Variants in MOXD1 observed in about 807,000 individuals in gnomAD.
MOXD1 encodes DBH-like monooxygenase protein 1.
Under a neutral mutation model 66.6 loss-of-function variants are expected in MOXD1, and 62 were observed. That is an observed-to-expected ratio of 0.93 (90% CI 0.76 to 1.15). MOXD1 has a LOEUF of 1.15. MOXD1 is among the 50% of genes most tolerant of loss of function. The probability of loss-of-function intolerance (pLI) is 0.00; values close to 1 mark genes in which losing one functional copy is unlikely to be tolerated. For missense variants in MOXD1, 847 were observed against 754.6 expected (o/e 1.12, Z -1.44); for synonymous variants, 303 against 281.9 (o/e 1.07, Z -0.75).
Position 132,401,458 on chromosome 6 carries a change from C to G in MOXD1, c.-32G>C. 1 of 1,460,970 alleles carries G rather than the reference C, an allele frequency of 6.8e-7. No individual in the cohort carries two copies. Among genetic ancestry groups the G allele is most frequent in the South Asian group, 1.4e-5 (1 of 73,020 alleles). 90.5% of individuals were successfully genotyped at this position (1,460,970 alleles called of 1,614,324 possible). On this transcript the variant is annotated 5_prime_UTR_variant, in exon 1 of 12. Transcript: ENST00000367963. ...GCGCCTCCTGCCCGCCGGTACCGGC[C>G]TCCAGCCGCTGGGGAGTGAGGAGCA... is the stretch of plus-strand genomic sequence containing the variant.
intron 8 of MOXD1, among the ~76,000 whole-genome samples, chr6:132,321,628 G>A (rs966298158): frequency 6.6e-6 from 1 of 152,116 alleles, no homozygotes; most frequent in Non-Finnish European, 1.5e-5. Context: ...TGACCTCCCT[G>A]CACGCCACTC....
At chr6:132,352,945 G>A (rs1223076600) in intron 4 of MOXD1, among the ~76,000 whole-genome samples, 1 of 152,026 alleles carries the variant, frequency 6.6e-6, no homozygotes, top group Non-Finnish European at 1.5e-5. Flanking sequence ...TTTGTCTGAT[G>A]TAAGAATAGC....
chr6:132,307,491 C>T (rs1411753673), intron 10 of MOXD1, among the ~76,000 whole-genome samples: 1 of 152,190 alleles, frequency 6.6e-6, no homozygotes, highest in African/African-American at 2.4e-5. Flanking sequence ...ATATTCAGGA[C>T]TTGAAATCAG....
chr6:132,391,453 T>A (rs1226088137), intron 1 of MOXD1: 1 of 152,196 alleles, frequency 6.6e-6, no homozygotes, highest in Non-Finnish European at 1.5e-5. Flanking sequence ...TTTTTTCTAC[T>A]GAAATTTAAC....
In MOXD1 at chr6:132,401,188, AC is replaced by A; in HGVS notation, c.238del (p.Val80TrpfsTer19). 1.3e-6 allele frequency: 2 copies of A among 1,541,470 alleles called. No homozygotes were observed. Among genetic ancestry groups the A allele is most frequent in the Admixed American group, 1.9e-5 (1 of 52,636 alleles). ...CTGGAGGTAGGGCCGCCCGTGGGCC[AC>A]CCCGCCCACGACGATGTCGGCGGAC... is the stretch of plus-strand genomic sequence containing the variant. ...MASADIVVGG[V>X]AHGRPYLQDY... is the part of the protein sequence containing the mutation. On this transcript the variant is annotated frameshift_variant, in exon 1 of 12. Coordinates refer to ENST00000367963, the MANE Select transcript of MOXD1 (RefSeq NM_015529.4). LOFTEE classifies it high-confidence loss of function.
chr6:132,395,194 C>A (rs970576746), intron 1 of MOXD1, among the ~76,000 whole-genome samples: 1 of 152,024 alleles, frequency 6.6e-6, no homozygotes, highest in Non-Finnish European at 1.5e-5. Context: ...GATACCATAC[C>A]CAGAAAAGTT....
chr6:132,380,651 T>C (rs1437684343), intron 1 of MOXD1, among the ~76,000 whole-genome samples: 1 of 152,230 alleles, frequency 6.6e-6, no homozygotes, highest in Non-Finnish European at 1.5e-5. Context: ...CATGTGATAA[T>C]TGCCTAGAAT....
chr6:132,307,120 A>G (rs1441442708), intron 10 of MOXD1, among the ~76,000 whole-genome samples: 1 of 152,210 alleles, frequency 6.6e-6, no homozygotes, highest in Non-Finnish European at 1.5e-5. Context: ...TATTCAGGAG[A>G]CGCATCTCAC....
At position 132,296,063 on chromosome 6, in the gene MOXD1, C is replaced by T. The variant is rs1471943348; in HGVS notation, c.*1090G>A. ...AAAATACCACACAAAAGTGTAATTT[C>T]ATTTAGTTTATTAATATGATCCAAA... On this transcript the variant is annotated 3_prime_UTR_variant, in exon 12 of 12. Coordinates refer to ENST00000367963, the MANE Select transcript of MOXD1 (RefSeq NM_015529.4). The T allele has an allele frequency of 6.6e-6, 1 of 152,082 alleles. No homozygotes were observed. The highest frequency in any genetic ancestry group is 6.6e-5 in the Admixed American group (1 of 15,256). The allele number at this position is 152,082 out of a possible 1,614,324, so 9.4% of individuals were successfully genotyped here.
chr6:132,374,551 G>T, intron 2 of MOXD1, 80 bp downstream of exon 2: 2 of 1,201,700 alleles, frequency 1.7e-6, no homozygotes, highest in Non-Finnish European at 2.3e-6. Flanking sequence ...TATATGACTT[G>T]TTTCTCTTAT....
At chr6:132,341,540 G>T (rs978753785) in intron 4 of MOXD1, among the ~76,000 whole-genome samples, 10 of 152,010 alleles carry the variant, frequency 6.6e-5, no homozygotes, top group Non-Finnish European at 1.3e-4. Flanking sequence ...ATATTCAATG[G>T]CTCCACACTG....
At chr6:132,297,731 T>C (rs528820731) in intron 11 of MOXD1, 56 bp downstream of exon 11, 11 of 1,514,632 alleles carry the variant, frequency 7.3e-6, no homozygotes, top group South Asian at 1.4e-5. Context: ...GGTTTTCCTG[T>C]AATAGATTCA....
chr6:132,328,405 T>C lies in MOXD1; in HGVS notation c.843+10A>G, dbSNP rs1383722236. On this transcript the variant is annotated intron_variant, in intron 5 of 11. Transcript: ENST00000367963. ...TAATTGTGTTACATCTCAGTAATCA[T>C]TAGCCCCACCTCTCCACCAATAGCC... 1 of 1,613,804 alleles carries C rather than the reference T, an allele frequency of 6.2e-7. No individual in the cohort carries two copies. The highest frequency in any genetic ancestry group is 2.2e-5 in the East Asian group (1 of 44,888).
Position 132,371,909 on chromosome 6 carries a change from C to T in MOXD1, c.663+699G>A, listed in dbSNP as rs1267201891. ...TCTTTCTTGTGTCTTGGCCATGTCTCCCCAATCTCACTGTAAGTTCTTTGA... is the reference window on the plus strand; with the variant it reads ...TCTTTCTTGTGTCTTGGCCATGTCTTCCCAATCTCACTGTAAGTTCTTTGA... On this transcript the variant is annotated intron_variant, in intron 4 of 11. Coordinates refer to ENST00000367963, the MANE Select transcript of MOXD1 (RefSeq NM_015529.4). Among the ~76,000 whole-genome samples the T allele has an allele frequency of 3.3e-5, 5 of 152,296 alleles. No individual in the cohort carries two copies. In the East Asian group the frequency reaches 9.6e-4, roughly 29 times the overall value.
rs145950486 is a variant in MOXD1, at chr6:132,372,632, G to A, written c.639C>T (p.Phe213=). ...CCTTTATTACATGATGCTTTTCTTG[G>A]AACACAGGAATCTTAAACATTTGGC... ...YWCQMFKIPV[F]QEKHHVIKVE... is the part of the protein sequence containing the mutation. The change falls in exon 4 of 12, where the codon TTC becomes TTT. Residue 213 remains phenylalanine (F), a synonymous_variant. Coordinates refer to ENST00000367963, the MANE Select transcript of MOXD1 (RefSeq NM_015529.4). 4.9e-4 allele frequency: 790 copies of A among 1,613,458 alleles called. 7 individuals carry two copies. In the African/African-American group the frequency reaches 9.4e-3, roughly 19 times the overall value.
At chr6:132,400,451 A>G (rs779407416) in intron 1 of MOXD1, among the ~76,000 whole-genome samples, 3 of 151,926 alleles carry the variant, frequency 2.0e-5, no homozygotes, top group Non-Finnish European at 4.4e-5. Flanking sequence ...GCACCCATGA[A>G]CAGGCAAGGT....
At chr6:132,397,420 T>C (rs1317259775) in intron 1 of MOXD1, among the ~76,000 whole-genome samples, 1 of 152,222 alleles carries the variant, frequency 6.6e-6, no homozygotes, top group African/African-American at 2.4e-5. Context: ...CTGCCTTTCA[T>C]GAATTTTCAT....
chr6:132,346,483 G>A (rs1003195767), intron 4 of MOXD1, among the ~76,000 whole-genome samples: 19 of 151,940 alleles, frequency 1.3e-4, no homozygotes, highest in African/African-American at 4.4e-4. Flanking sequence ...TCTGAGCATA[G>A]TCTAAAGGCT....
chr6:132,363,151 A>C lies in MOXD1; in HGVS notation c.663+9457T>G, dbSNP rs527444310. Among the ~76,000 whole-genome samples, 34 of 152,012 alleles carry C rather than the reference A, an allele frequency of 2.2e-4. No individual in the cohort carries two copies. The South Asian group carries it at 7.1e-3, about 32-fold the overall frequency. ...TAGGACTCAAAAGTAGTCCAGCAGA[A>C]TATAGTATTTTGCACTTCCAAATTT... On this transcript the variant is annotated intron_variant, in intron 4 of 11. Transcript: ENST00000367963.
Sources: allele counts gnomAD v4.1 joint callset (sites outside exome capture counted in the v4.1 genomes callset), GRCh38; gene constraint gnomAD v4.1.1; transcripts MANE v1.5; gene names NCBI Gene and HGNC (gene_info 2026-07-23, HGNC 2026-07-21).